The following TFDP2 variants were observed in gnomAD, a reference collection of about 807,000 sequenced individuals.
TFDP2 encodes transcription factor Dp-2 (E2F dimerization partner 2).
In TFDP2, 17 loss-of-function variants were observed where a neutral mutation model predicts 59.3. The observed-to-expected ratio is 0.29, with a 90% CI of 0.20 to 0.43. TFDP2 has a LOEUF of 0.43. TFDP2 is among the 20% of genes least tolerant of loss of function. The pLI is 1.00. For synonymous variants in TFDP2, 180 were observed against 194.7 expected (o/e 0.92, Z 0.63); for missense variants, 391 against 528.8 (o/e 0.74, Z 2.56).
At chr3:142,019,065 T>G (rs534610329) in intron 3 of TFDP2, among the ~76,000 whole-genome samples, 2 of 151,454 alleles carry the variant, frequency 1.3e-5, no homozygotes, top group Non-Finnish European at 2.9e-5. Flanking sequence ...TTTTTTTTTT[T>G]TTTTTTTTGT....
chr3:141,959,277 G>C (rs1937069740), intron 11 of TFDP2, among the ~76,000 whole-genome samples: 2 of 151,990 alleles, frequency 1.3e-5, no homozygotes, highest in Admixed American at 1.3e-4. Context: ...ACTTTCTTTT[G>C]TAAATTGCCC....
At chr3:142,137,666 T>C (rs1479801837) in intron 1 of TFDP2, among the ~76,000 whole-genome samples, 3 of 152,228 alleles carry the variant, frequency 2.0e-5, no homozygotes, top group Non-Finnish European at 2.9e-5. Flanking sequence ...GATCTGTTTA[T>C]GTGATGGATT....
At chr3:142,090,147 G>A (rs1292899876) in intron 3 of TFDP2, among the ~76,000 whole-genome samples, 1 of 152,126 alleles carries the variant, frequency 6.6e-6, no homozygotes, top group African/African-American at 2.4e-5. Flanking sequence ...TCAAAGAAGA[G>A]CAACAGTTTT....
intron 11 of TFDP2, among the ~76,000 whole-genome samples, chr3:141,957,697 G>A (rs566549019): frequency 3.3e-5 from 5 of 152,286 alleles, no homozygotes; most frequent in South Asian, 2.1e-4. Context: ...TACACTAAGT[G>A]AAAGAAGCTA....
chr3:142,015,457 T>C (rs1243095346), intron 3 of TFDP2, among the ~76,000 whole-genome samples: 2 of 152,178 alleles, frequency 1.3e-5, no homozygotes, highest in African/African-American at 4.8e-5. Context: ...ACTCTATTCT[T>C]CAACTGCTCA....
chr3:142,072,882 T>C (rs776784699), intron 3 of TFDP2, among the ~76,000 whole-genome samples: 1 of 152,204 alleles, frequency 6.6e-6, no homozygotes, highest in Non-Finnish European at 1.5e-5. Flanking sequence ...TTAACTTATG[T>C]AGAAACTCCC....
chr3:141,954,975 GA>G (rs1267083115), intron 11 of TFDP2, among the ~76,000 whole-genome samples: 1 of 151,148 alleles, frequency 6.6e-6, no homozygotes, highest in African/African-American at 2.4e-5. Flanking sequence ...AGACAGCTGG[GA>G]AAAAAAAGAG....
chr3:141,978,520 C>T lies in TFDP2; in HGVS notation c.519G>A (p.Ser173=), dbSNP rs777788887. The T allele has an allele frequency of 5.6e-6, 9 of 1,604,894 alleles. No homozygotes were observed. The highest frequency in any genetic ancestry group is 2.3e-5 in the South Asian group (2 of 88,338). Residue 173 remains serine (S), a splice_region_variant and synonymous_variant, in exon 7 of 13, where the codon TCG becomes TCA. Coordinates refer to ENST00000489671, the MANE Select transcript of TFDP2 (RefSeq NM_001178139.2). ...TNSNNHLAAD[S]AYDQKNIRRR... ...AATGTCAGGTTCATGATTTACATACCGAATCAGCAGCCAAATGGTTATTTG... is the reference window on the plus strand; with the variant it reads ...AATGTCAGGTTCATGATTTACATACTGAATCAGCAGCCAAATGGTTATTTG...
At chr3:142,142,586 A>G (rs1262590008) in intron 1 of TFDP2, among the ~76,000 whole-genome samples, 1 of 152,256 alleles carries the variant, frequency 6.6e-6, no homozygotes, top group Non-Finnish European at 1.5e-5. Flanking sequence ...CATGCTTCAC[A>G]GAAATAGAAA....
chr3:142,069,033 A>G (rs1411225809), intron 3 of TFDP2, among the ~76,000 whole-genome samples: 3 of 152,032 alleles, frequency 2.0e-5, no homozygotes, highest in African/African-American at 7.3e-5. Flanking sequence ...CTCCTGCCTC[A>G]GTCTCCTGAG....
rs1326350341 is a variant in TFDP2 at position 141,952,422 on chromosome 3, G to A, written c.*91C>T. 5.4e-6 allele frequency: 7 copies of A among 1,291,736 alleles called. No individual in the cohort carries two copies. Among genetic ancestry groups the A allele is most frequent in the African/African-American group, 1.5e-5 (1 of 65,046 alleles). The allele number at this position is 1,291,736 out of a possible 1,614,324, so 80.0% of individuals were successfully genotyped here. On this transcript the variant is annotated 3_prime_UTR_variant, in exon 13 of 13. Coordinates refer to ENST00000489671, the MANE Select transcript of TFDP2 (RefSeq NM_001178139.2). ...CACTGAACACACAGTGCAAACAAAG[G>A]CAAAGACTGAAGCAATCATTTCAAA...
rs1268798474 is a variant in TFDP2, at chr3:141,948,347, G to GGTGGGCAGATCA, written c.*4165_*4166insTGATCTGCCCAC. On this transcript the variant is annotated 3_prime_UTR_variant, in exon 13 of 13. Transcript: ENST00000489671. Reference sequence around the variant, plus strand: ...ACCTGAGGTCAGGAGTTCGACACCAGCCTGGGCAACACGGTGAAACCCTGA... The same window carrying GGTGGGCAGATCA: ...ACCTGAGGTCAGGAGTTCGACACCAGGTGGGCAGATCACCTGGGCAACACGGTGAAACCCTGA... 5.3e-5 allele frequency: 8 copies of GGTGGGCAGATCA among 152,068 alleles called. No homozygotes were observed. The highest frequency in any genetic ancestry group is 5.2e-4 in the Admixed American group (8 of 15,248). 9.4% of individuals were successfully genotyped at this position (152,068 alleles called of 1,614,324 possible). A position where few individuals can be genotyped will look rare whatever the true frequency, so the allele number is the denominator to read the frequency against.
At chr3:141,988,181 A>T (rs1479001101) in intron 6 of TFDP2, among the ~76,000 whole-genome samples, 1 of 152,074 alleles carries the variant, frequency 6.6e-6, no homozygotes, top group Non-Finnish European at 1.5e-5. Flanking sequence ...CTTGGGCGCA[A>T]GAGAATCGCC....
In TFDP2 at chr3:142,020,272, A is replaced by T. The variant is rs565599686; in HGVS notation, c.83-14728T>A. Among the ~76,000 whole-genome samples the T allele has an allele frequency of 3.9e-5, 6 of 152,318 alleles. 1 individual carries two copies. In the South Asian group the frequency reaches 1.2e-3, roughly 32 times the overall value. On this transcript the variant is annotated intron_variant, in intron 3 of 12. Coordinates refer to ENST00000489671, the MANE Select transcript of TFDP2 (RefSeq NM_001178139.2). ...ACTCTTGGGCCAGGGACGGTGGCTC[A>T]CGTCTGTAATCCCAGCACTTTGGGA... is the stretch of plus-strand genomic sequence containing the variant.
At chr3:142,044,477 G>C (rs1947224817) in intron 3 of TFDP2, among the ~76,000 whole-genome samples, 2 of 152,050 alleles carry the variant, frequency 1.3e-5, no homozygotes, top group South Asian at 4.2e-4. Context: ...CTCATGATCT[G>C]CCCATCTCGG....
intron 6 of TFDP2, chr3:141,989,446 A>T (rs936277202): frequency 6.6e-6 from 1 of 152,260 alleles, no homozygotes; most frequent in Admixed American, 6.5e-5. Flanking sequence ...GTTCTGGGGC[A>T]TACTAAAATT....
At chr3:142,080,183 G>A (rs527355354) in intron 3 of TFDP2, among the ~76,000 whole-genome samples, 6 of 152,010 alleles carry the variant, frequency 3.9e-5, no homozygotes, top group East Asian at 3.9e-4. Context: ...CAGGCTGGTC[G>A]CGAACTCTTG....
chr3:141,970,242 A>C (rs761540436), intron 8 of TFDP2, 101 bp from the exon 9 acceptor site: 3 of 1,097,288 alleles, frequency 2.7e-6, no homozygotes, highest in Middle Eastern at 4.7e-4. Context: ...TCCCTAGAGA[A>C]ACTGAACCCA....
intron 9 of TFDP2, among the ~76,000 whole-genome samples, chr3:141,968,421 ATC>A (rs1559937269): frequency 9.2e-6 from 1 of 108,144 alleles, no homozygotes; most frequent in African/African-American, 3.8e-5. Context: ...TAACATATAT[ATC>A]TCATATATAG....
Sources: gnomAD v4.1 joint callset for allele counts (sites outside exome capture counted in the v4.1 genomes callset) on GRCh38, gnomAD v4.1.1 for gene constraint, MANE v1.5 for transcripts, NCBI Gene and HGNC (gene_info 2026-07-23, HGNC 2026-07-21) for gene names.